ASMTL: variants seen among roughly 807,000 people sequenced by gnomAD.
The protein encoded by ASMTL is acetylserotonin O-methyltransferase like.
ASMTL carries 57 observed loss-of-function variants against 60.3 expected under a neutral mutation model. That is an observed-to-expected ratio of 0.95 (90% CI 0.76 to 1.18). ASMTL has a LOEUF of 1.18. Among genes scored for constraint, ASMTL ranks in the 50% most tolerant of loss-of-function variants. The probability of loss-of-function intolerance (pLI) is 0.00; values close to 1 mark genes in which losing one functional copy is unlikely to be tolerated. For missense variants in ASMTL, 981 were observed against 852.6 expected (o/e 1.15, Z -1.88); for synonymous variants, 419 against 373.0 (o/e 1.12, Z -1.42).
At position 1,452,860 on chromosome X, in the gene ASMTL, G is replaced by A. The variant is rs749996579; in HGVS notation, c.-20C>T. ...CACCATGGCGTCCACGCCGGGAGCC[G>A]GGCGTCCGCACTTCTGAGCCCGGAG... On this transcript the variant is annotated 5_prime_UTR_variant, in exon 1 of 13. Coordinates refer to ENST00000381317, the MANE Select transcript of ASMTL (RefSeq NM_004192.4). The A allele has an allele frequency of 9.1e-6, 14 of 1,541,884 alleles. No homozygotes were observed. The highest frequency in any genetic ancestry group is 2.4e-5 in the South Asian group (2 of 84,120).
At chrX:1,424,191 CCCA>C (rs2090550451) in intron 8 of ASMTL, among the ~76,000 whole-genome samples, 1 of 123,828 alleles carries the variant, frequency 8.1e-6, no homozygotes, top group African/African-American at 3.3e-5. Context: ...CACCCACCCA[CCCA>C]TCTGTTCACC....
At chrX:1,449,071 A>G (rs2091293443) in intron 1 of ASMTL, among the ~76,000 whole-genome samples, 1 of 152,116 alleles carries the variant, frequency 6.6e-6, no homozygotes, top group Admixed American at 6.5e-5. Flanking sequence ...CTAACACCTC[A>G]GTCAACTTTG....
intron 12 of ASMTL, among the ~76,000 whole-genome samples, chrX:1,411,599 C>A (rs1444096889): frequency 1.9e-5 from 1 of 53,334 alleles, no homozygotes; most frequent in African/African-American, 9.6e-5. Context: ...CGTGTGTCTG[C>A]GTAGAAACAC....
intron 8 of ASMTL, among the ~76,000 whole-genome samples, chrX:1,423,038 C>T (rs1295531352): frequency 2.0e-5 from 3 of 152,102 alleles, no homozygotes; most frequent in Admixed American, 6.6e-5. Context: ...CTGCAAGCTC[C>T]GTCTCCTGGG....
chrX:1,406,447 G>A (rs762858270), intron 12 of ASMTL, among the ~76,000 whole-genome samples: 1 of 150,808 alleles, frequency 6.6e-6, no homozygotes, highest in African/African-American at 2.4e-5. Flanking sequence ...AGGGATGGGT[G>A]AATAGATGGT....
At chrX:1,450,546 G>GGT (rs2091337141) in intron 1 of ASMTL, among the ~76,000 whole-genome samples, 1 of 140,852 alleles carries the variant, frequency 7.1e-6, no homozygotes, top group Non-Finnish European at 1.5e-5. Flanking sequence ...CATCACTAGG[G>GGT]CATCCTGGGT....
chrX:1,434,427 C>T (rs2090904029), intron 5 of ASMTL, among the ~76,000 whole-genome samples: 1 of 150,414 alleles, frequency 6.6e-6, no homozygotes, highest in Admixed American at 6.7e-5. Flanking sequence ...GAGGTCGAGG[C>T]TGCAGTGAGC....
rs1346426420 is a variant in ASMTL, at chrX:1,418,113, C to T, written c.1382G>A (p.Cys461Tyr). 7 of 1,598,550 alleles carry T rather than the reference C, an allele frequency of 4.4e-6. No homozygotes were observed. Among genetic ancestry groups the T allele is most frequent in the Non-Finnish European group, 6.0e-6 (7 of 1,170,600 alleles). The change falls in exon 11 of 13, where the codon TGC becomes TAC. Residue 461 changes from cysteine to tyrosine, a missense_variant. Coordinates refer to ENST00000381317, the MANE Select transcript of ASMTL (RefSeq NM_004192.4). ...RFSSACDVGG[C>Y]TGALARELAR... The stretch of plus-strand genomic sequence containing the variant: ...CAGCTCTCGGGCCAGTGCACCCGTG[C>T]AGCCTGCGGGGAAGCAAATGCATGC...
At chrX:1,412,660 G>C (rs1275171790) in intron 12 of ASMTL, 72 bp downstream of exon 12, 1 of 1,605,290 alleles carries the variant, frequency 6.2e-7, no homozygotes, top group Non-Finnish European at 8.5e-7. Context: ...ACCGCGCCCG[G>C]CCTCCTTGTA....
chrX:1,446,585 T>C (rs1430780563), intron 1 of ASMTL, among the ~76,000 whole-genome samples: 63 of 150,758 alleles, frequency 4.2e-4, no homozygotes, highest in Admixed American at 3.2e-3. Context: ...CTGCAACCTC[T>C]GCCTCCCAGG....
At chrX:1,418,165 C>CT (rs748874318) in intron 10 of ASMTL, 49 bp from the exon 11 acceptor site, 1 of 1,538,838 alleles carries the variant, frequency 6.5e-7, no homozygotes, top group Non-Finnish European at 8.8e-7. Flanking sequence ...CTATGGAACT[C>CT]TGACGACTCT....
chrX:1,404,470 A>G (rs1254188216), intron 12 of ASMTL, among the ~76,000 whole-genome samples: 16 of 147,550 alleles, frequency 1.1e-4, no homozygotes, highest in South Asian at 2.2e-4. Context: ...AGGTAGGTAG[A>G]TAGATGGATG....
intron 9 of ASMTL, among the ~76,000 whole-genome samples, chrX:1,420,639 C>T (rs1217573232): frequency 2.6e-5 from 4 of 152,210 alleles, no homozygotes; most frequent in Non-Finnish European, 4.4e-5. Context: ...ATATCTCACA[C>T]GTCCACCTCA....
chrX:1,446,868 C>A (rs1423428114), intron 1 of ASMTL, among the ~76,000 whole-genome samples: 4 of 152,144 alleles, frequency 2.6e-5, no homozygotes, highest in African/African-American at 4.8e-5. Flanking sequence ...ACTATAGTTA[C>A]CCCTGTCGTG....
In ASMTL at chrX:1,420,258, TCA is replaced by T. The variant is rs772364458; in HGVS notation, c.1246-1146_1246-1145del. On this transcript the variant is annotated intron_variant, in intron 9 of 12. Transcript: ENST00000381317. ...TCTGTCTCCCATCTCCGTGTCTGTCTCACTCTATCTCTGTCTCTGTCTTTCTG... is the reference window on the plus strand; with the variant it reads ...TCTGTCTCCCATCTCCGTGTCTGTCTCTCTATCTCTGTCTCTGTCTTTCTG... 3.4e-3 allele frequency among the ~76,000 whole-genome samples: 517 copies of T among 151,900 alleles called. 1 individual carries two copies. Among genetic ancestry groups the T allele is most frequent in the Middle Eastern group, 6.8e-3 (2 of 292 alleles).
chrX:1,453,304 AT>A (rs1250888056), upstream of ASMTL, among the ~76,000 whole-genome samples: 1 of 145,362 alleles, frequency 6.9e-6, no homozygotes, highest in East Asian at 2.1e-4. Context: ...CCACGCCGCC[AT>A]TGAGCTCCCC....
chrX:1,447,667 G>A lies in ASMTL; in HGVS notation c.93+5081C>T, dbSNP rs1384615404. Among the ~76,000 whole-genome samples the A allele has an allele frequency of 2.7e-5, 4 of 147,922 alleles. 1 individual carries two copies. Among genetic ancestry groups the A allele is most frequent in the East Asian group, 4.1e-4 (2 of 4,936 alleles). On this transcript the variant is annotated intron_variant, in intron 1 of 12. Transcript: ENST00000381317. ...AGACACACCATCTTGGACACACACC[G>A]CCATCTTGGAGAAGCACCACCATCT...
intron 12 of ASMTL, among the ~76,000 whole-genome samples, chrX:1,411,851 T>G (rs368370379): frequency 6.9e-6 from 1 of 145,980 alleles, no homozygotes; most frequent in Non-Finnish European, 1.5e-5. Context: ...CTCGCTCTGT[T>G]ACCCAGGCTG....
intron 1 of ASMTL, among the ~76,000 whole-genome samples, chrX:1,449,477 G>A (rs771171769): frequency 2.6e-5 from 4 of 151,836 alleles, no homozygotes; most frequent in South Asian, 4.2e-4. Context: ...TCTCATCCCC[G>A]TCACTAGGAC....
Sources: allele counts gnomAD v4.1 joint callset (sites outside exome capture counted in the v4.1 genomes callset), GRCh38; gene constraint gnomAD v4.1.1; transcripts MANE v1.5; gene names NCBI Gene and HGNC (gene_info 2026-07-23, HGNC 2026-07-21).